BCAS3: variants seen among roughly 807,000 people sequenced by gnomAD.
BCAS3 encodes BCAS3 microtubule associated cell migration factor.
Under a neutral mutation model 116.1 loss-of-function variants are expected in BCAS3, and 53 were observed. That is an observed-to-expected ratio of 0.46 (90% CI 0.37 to 0.57). BCAS3 has a LOEUF of 0.57. BCAS3 is among the 20% of genes least tolerant of loss of function. The pLI is 0.00. For synonymous variants in BCAS3, 391 were observed against 408.2 expected (o/e 0.96, Z 0.51); for missense variants, 917 against 1,165.4 (o/e 0.79, Z 3.10).
intron 22 of BCAS3, among the ~76,000 whole-genome samples, chr17:61,350,609 T>C (rs911567057): frequency 6.7e-6 from 1 of 149,326 alleles, no homozygotes; most frequent in Non-Finnish European, 1.5e-5. Flanking sequence ...CTGTGGTGTA[T>C]GTACACAATG....
chr17:60,875,868 A>T (rs956473471), intron 9 of BCAS3, among the ~76,000 whole-genome samples: 1 of 152,040 alleles, frequency 6.6e-6, no homozygotes, highest in Non-Finnish European at 1.5e-5. Flanking sequence ...TAGTAGTATG[A>T]TGAACACCCA....
intron 7 of BCAS3, among the ~76,000 whole-genome samples, chr17:60,849,142 G>C (rs545267182): frequency 6.6e-6 from 1 of 152,284 alleles, no homozygotes; most frequent in African/African-American, 2.4e-5. Flanking sequence ...GTAATTTGGG[G>C]GTACAGCAAG....
intron 20 of BCAS3, among the ~76,000 whole-genome samples, chr17:61,075,409 G>A (rs2071878484): frequency 6.6e-6 from 1 of 152,168 alleles, no homozygotes; most frequent in Non-Finnish European, 1.5e-5. Flanking sequence ...CCAATTCCTG[G>A]TTTCAAGCGA....
chr17:60,815,141 G>A lies in BCAS3; in HGVS notation c.476+7065G>A, dbSNP rs970056640. Among the ~76,000 whole-genome samples, 15 of 152,304 alleles carry A rather than the reference G, an allele frequency of 9.8e-5. 1 individual carries two copies. The East Asian group carries it at 1.5e-3, about 16-fold the overall frequency. On this transcript the variant is annotated intron_variant, in intron 7 of 23. Transcript: ENST00000407086. ...AAAAAAGGATGAGTTCATGTCCTTT[G>A]TAGGGACATGGATGAAGCTGGAAAC...
rs969097154 is a variant in BCAS3, at chr17:61,339,720, C to A, written c.2426-28607C>A. Among the ~76,000 whole-genome samples, 1 of 150,746 alleles carries A rather than the reference C, an allele frequency of 6.6e-6. No individual in the cohort carries two copies. Among genetic ancestry groups the A allele is most frequent in the Admixed American group, 6.6e-5 (1 of 15,112 alleles). The stretch of plus-strand genomic sequence containing the variant: ...GGTGGCGGTTACAGTGAGCTGAGAT[C>A]GCGCCACTGTACTCCAGTCGGGGCG... On this transcript the variant is annotated intron_variant, in intron 22 of 23. Transcript: ENST00000407086. This position sits in a 1 kb window ranked among gnomAD's most constrained non-coding sequence, Gnocchi z 4.4.
At chr17:60,717,214 CTTCTT>C (rs1024316692) in intron 5 of BCAS3, among the ~76,000 whole-genome samples, 9 of 149,434 alleles carry the variant, frequency 6.0e-5, no homozygotes, top group African/African-American at 2.2e-4. Flanking sequence ...TCTTCTTCTT[CTTCTT>C]TTTTTTTTTT....
chr17:60,860,969 C>T (rs577218253), intron 7 of BCAS3, among the ~76,000 whole-genome samples: 1 of 152,256 alleles, frequency 6.6e-6, no homozygotes, highest in Admixed American at 6.5e-5. Flanking sequence ...TTTTACTATT[C>T]AGGCTCTTTT....
intron 12 of BCAS3, among the ~76,000 whole-genome samples, chr17:60,921,741 G>A (rs925693028): frequency 4.0e-5 from 6 of 151,464 alleles, no homozygotes; most frequent in Non-Finnish European, 8.8e-5. Context: ...TGGGTACTAT[G>A]CTCACTACCT....
intron 7 of BCAS3, among the ~76,000 whole-genome samples, chr17:60,827,707 T>TTTTGATG (rs1385278678): frequency 1.3e-4 from 20 of 151,646 alleles, no homozygotes; most frequent in African/African-American, 4.6e-4. Context: ...CCCACAATAG[T>TTTTGATG]TTTCTCATGT....
Position 61,376,690 on chromosome 17 carries a change from C to G in BCAS3, c.2593+8196C>G, listed in dbSNP as rs1455435465. On this transcript the variant is annotated intron_variant, in intron 23 of 23. Coordinates refer to ENST00000407086, the MANE Select transcript of BCAS3 (RefSeq NM_017679.5). This position sits in a 1 kb window ranked among gnomAD's most constrained non-coding sequence, Gnocchi z 4.5. ...CTTGGTCTGGCTCTCTTGCCAAAGT[C>G]TCTAGGCTTCTCTGGGTAATATCTC... 6.6e-6 allele frequency among the ~76,000 whole-genome samples: 1 copy of G among 152,228 alleles called. No individual in the cohort carries two copies. The highest frequency in any genetic ancestry group is 1.5e-5 in the Non-Finnish European group (1 of 68,036).
chr17:61,046,463 A>G (rs1047903976), intron 19 of BCAS3, among the ~76,000 whole-genome samples: 1 of 151,702 alleles, frequency 6.6e-6, no homozygotes, highest in African/African-American at 2.4e-5. Flanking sequence ...ACAGATGCTC[A>G]AGTCCCTGAT....
At chr17:60,987,940 A>G (rs890278231) in intron 14 of BCAS3, among the ~76,000 whole-genome samples, 1 of 152,214 alleles carries the variant, frequency 6.6e-6, no homozygotes, top group Non-Finnish European at 1.5e-5. Flanking sequence ...TTCCCTGTTC[A>G]GTAAGATACT....
intron 6 of BCAS3, among the ~76,000 whole-genome samples, chr17:60,766,663 TGAG>T (rs1663360109): frequency 1.3e-5 from 2 of 152,198 alleles, no homozygotes; most frequent in South Asian, 2.1e-4. Context: ...GGGACCCACT[TGAG>T]GAGGCAGTCT....
In BCAS3 at chr17:61,380,507, C is replaced by T; in HGVS notation, c.2594-11470C>T. On this transcript the variant is annotated intron_variant, in intron 23 of 23. Coordinates refer to ENST00000407086, the MANE Select transcript of BCAS3 (RefSeq NM_017679.5). This position sits in a 1 kb window ranked among gnomAD's most constrained non-coding sequence, Gnocchi z 4.2. ...AGGAATATTTTATTTTCAATACAGA[C>T]ACAGCCCTTGACGTAGCAGTAAAAA... is the stretch of plus-strand genomic sequence containing the variant. 6.3e-7 allele frequency: 1 copy of T among 1,597,514 alleles called. No homozygotes were observed.
chr17:61,373,897 A>G (rs919040919), intron 23 of BCAS3, among the ~76,000 whole-genome samples: 2 of 141,184 alleles, frequency 1.4e-5, no homozygotes, highest in Admixed American at 1.5e-4. Context: ...TCATGGGTTC[A>G]AGCGAATCGC....
In BCAS3 at chr17:61,199,703, T is replaced by G. The variant is rs781281160; in HGVS notation, c.2425+115139T>G. ...CCATAGTTCCCTTCTCAAACAGCAG[T>G]GACAGCTTAATTTTGATAGGATCCC... On this transcript the variant is annotated intron_variant, in intron 22 of 23. Coordinates refer to ENST00000407086, the MANE Select transcript of BCAS3 (RefSeq NM_017679.5). This position sits in a 1 kb window ranked among gnomAD's most constrained non-coding sequence, Gnocchi z 4.6. Among the ~76,000 whole-genome samples, 14 of 152,272 alleles carry G rather than the reference T, an allele frequency of 9.2e-5. No homozygotes were observed. The highest frequency in any genetic ancestry group is 3.4e-3 in the Middle Eastern group (1 of 294).
At chr17:60,981,738 A>T (rs1447262649) in intron 14 of BCAS3, among the ~76,000 whole-genome samples, 1 of 152,236 alleles carries the variant, frequency 6.6e-6, no homozygotes, top group African/African-American at 2.4e-5. Context: ...GCAGTAACTC[A>T]TACCCAACAA....
chr17:60,963,159 GTCA>G (rs1326518437), intron 14 of BCAS3, among the ~76,000 whole-genome samples: 1 of 152,108 alleles, frequency 6.6e-6, no homozygotes, highest in Non-Finnish European at 1.5e-5. Context: ...AAATTTTGAA[GTCA>G]GAAAGTGTGA....
At chr17:61,386,820 C>A (rs1464283219) in intron 23 of BCAS3, among the ~76,000 whole-genome samples, 1 of 139,226 alleles carries the variant, frequency 7.2e-6, no homozygotes, top group Non-Finnish European at 1.5e-5. Flanking sequence ...TTTTGAGATG[C>A]CAGGCTGGAG....
Sources: allele counts gnomAD v4.1 joint callset (sites outside exome capture counted in the v4.1 genomes callset), GRCh38; gene constraint gnomAD v4.1.1; non-coding constraint Gnocchi (gnomAD v3.1); transcripts MANE v1.5; gene names NCBI Gene and HGNC (gene_info 2026-07-23, HGNC 2026-07-21).